The following SYT16 variants were observed in gnomAD, a reference collection of about 807,000 sequenced individuals.
SYT16 encodes synaptotagmin 16.
SYT16 carries 42 observed loss-of-function variants against 61.4 expected under a neutral mutation model. That is an observed-to-expected ratio of 0.68 (90% CI 0.53 to 0.89). SYT16 has a LOEUF of 0.89. Among genes scored for constraint, SYT16 ranks in the 40% least tolerant of loss-of-function variants. The pLI is 0.00. For synonymous variants in SYT16, 314 were observed against 302.3 expected (o/e 1.04, Z -0.40); for missense variants, 804 against 807.3 (o/e 1.00, Z 0.05).
In SYT16 at chr14:62,084,209, C is replaced by T. The variant is rs758851790; in HGVS notation, c.1448C>T (p.Pro483Leu). 19 of 1,613,604 alleles carry T rather than the reference C, an allele frequency of 1.2e-5. No individual in the cohort carries two copies. The highest frequency in any genetic ancestry group is 2.7e-5 in the African/African-American group (2 of 74,908). Reference protein sequence around the residue: ...PRSNISSGGSPLSPSAVSHSD... With the variant: ...PRSNISSGGSLLSPSAVSHSD... ...CTTCCCCTCCAGAGTGGAGGGTCTC[C>T]GCTCAGCCCATCTGCGGTTTCTCAC... is the stretch of plus-strand genomic sequence containing the variant. Residue 483 changes from proline (P) to leucine (L), a missense_variant, in exon 7 of 8, where the codon CCG (proline) becomes CTG (leucine). Pro to Leu is a moderately conservative substitution (Grantham distance 98). Coordinates refer to ENST00000683842, the MANE Select transcript of SYT16 (RefSeq NM_001367656.1).
intron 1 of SYT16, among the ~76,000 whole-genome samples, chr14:61,943,195 C>A (rs1240795145): frequency 6.6e-6 from 1 of 152,142 alleles, no homozygotes; most frequent in Non-Finnish European, 1.5e-5. Flanking sequence ...GAAGTCGAAT[C>A]CCTGAATAGA....
chr14:61,941,189 C>T (rs1275400842), intron 1 of SYT16, among the ~76,000 whole-genome samples: 1 of 152,178 alleles, frequency 6.6e-6, no homozygotes, highest in Non-Finnish European at 1.5e-5. Context: ...ACGCCAGCCT[C>T]TTTCCCTGTG....
chr14:62,080,318 C>T lies in SYT16; in HGVS notation c.994-516C>T, dbSNP rs2056662211. 7.2e-5 allele frequency among the ~76,000 whole-genome samples: 11 copies of T among 152,334 alleles called. 1 individual carries two copies. In the South Asian group the frequency reaches 2.3e-3, roughly 32 times the overall value. ...GGTCTACATTAAAGTTTGAGAAGCT[C>T]AGCCCTAAACCTTTTCTCCCACTTA... is the stretch of plus-strand genomic sequence containing the variant. On this transcript the variant is annotated intron_variant, in intron 5 of 7. Coordinates refer to ENST00000683842, the MANE Select transcript of SYT16 (RefSeq NM_001367656.1).
intron 7 of SYT16, among the ~76,000 whole-genome samples, chr14:62,088,341 C>T (rs2056956606): frequency 6.6e-6 from 1 of 152,122 alleles, no homozygotes; most frequent in African/African-American, 2.4e-5. Context: ...TTACCTACTG[C>T]TTGATTCCAT....
chr14:62,002,676 A>G (rs1197523275), intron 3 of SYT16, among the ~76,000 whole-genome samples: 2 of 151,982 alleles, frequency 1.3e-5, no homozygotes, highest in African/African-American at 4.8e-5. Context: ...CCCCTTCCCC[A>G]GGGATAGAAG....
chr14:61,874,271 T>A (rs1317560355), intron 1 of SYT16, among the ~76,000 whole-genome samples: 1 of 152,190 alleles, frequency 6.6e-6, no homozygotes, highest in African/African-American at 2.4e-5. Flanking sequence ...AGTTGACCCT[T>A]GAACAATGTG....
At chr14:62,017,339 C>G (rs1481591260) in intron 3 of SYT16, among the ~76,000 whole-genome samples, 1 of 152,174 alleles carries the variant, frequency 6.6e-6, no homozygotes, top group Non-Finnish European at 1.5e-5. Context: ...ATTGGTCTCT[C>G]TTCCTGATAT....
chr14:61,980,925 G>T (rs2052043239), intron 2 of SYT16, among the ~76,000 whole-genome samples: 1 of 150,688 alleles, frequency 6.6e-6, no homozygotes, highest in African/African-American at 2.5e-5. Context: ...AGTTTTTCCA[G>T]AGAAACAGTA....
intron 5 of SYT16, among the ~76,000 whole-genome samples, chr14:62,077,229 A>G (rs1233715733): frequency 6.6e-6 from 1 of 152,248 alleles, no homozygotes. Context: ...AAGGCTTTCA[A>G]TTTGACAGAA....
chr14:61,912,572 A>G (rs191652833), intron 1 of SYT16, among the ~76,000 whole-genome samples: 1 of 152,200 alleles, frequency 6.6e-6, no homozygotes, highest in East Asian at 1.9e-4. Context: ...TTTATTTCCC[A>G]GTGGCCCTAA....
chr14:61,890,151 T>C (rs903191911), intron 1 of SYT16, among the ~76,000 whole-genome samples: 1 of 152,166 alleles, frequency 6.6e-6, no homozygotes. Context: ...TTTCAGATGT[T>C]CAAGACTGTG....
intron 1 of SYT16, among the ~76,000 whole-genome samples, chr14:61,899,593 T>C (rs779721080): frequency 2.4e-4 from 37 of 152,216 alleles, no homozygotes; most frequent in South Asian, 1.9e-3. Context: ...AAATGTAGCA[T>C]CATGAGCTTT....
chr14:61,984,265 A>ATT (rs1378006192), intron 2 of SYT16, among the ~76,000 whole-genome samples: 1 of 151,858 alleles, frequency 6.6e-6, no homozygotes, highest in Non-Finnish European at 1.5e-5. Flanking sequence ...TATTTTTCCT[A>ATT]TTGTTTGTTT....
chr14:61,887,212 A>AAAGGAATCTTTTTCTGAGC (rs2047942791), intron 1 of SYT16, among the ~76,000 whole-genome samples: 1 of 152,198 alleles, frequency 6.6e-6, no homozygotes, highest in African/African-American at 2.4e-5. Context: ...TAATATTTTG[A>AAAGGAATCTTTTTCTGAGC]AAGGAATCTT....
At chr14:61,853,711 A>C (rs1368608684) in intron 1 of SYT16, among the ~76,000 whole-genome samples, 1 of 152,216 alleles carries the variant, frequency 6.6e-6, no homozygotes, top group African/African-American at 2.4e-5. Flanking sequence ...TTGTTACAGC[A>C]GTCTGAATGG....
At chr14:61,989,927 G>A (rs564192540) in intron 2 of SYT16, among the ~76,000 whole-genome samples, 8 of 152,198 alleles carry the variant, frequency 5.3e-5, no homozygotes, top group Non-Finnish European at 1.2e-4. Context: ...TGCCCCGGCA[G>A]TGACAATATG....
At chr14:62,088,207 G>A (rs756270685) in intron 7 of SYT16, among the ~76,000 whole-genome samples, 1 of 152,156 alleles carries the variant, frequency 6.6e-6, no homozygotes, top group Non-Finnish European at 1.5e-5. Context: ...CAGTCCTCAC[G>A]CCCATCTAGA....
At chr14:62,078,149 C>CTATATATATA (rs1335844073) in intron 5 of SYT16, among the ~76,000 whole-genome samples, 12 of 113,082 alleles carry the variant, frequency 1.1e-4, no homozygotes, top group African/African-American at 3.7e-4. Flanking sequence ...CTCTCTCTCT[C>CTATATATATA]TCTCTCTATA....
rs191133174 is a variant in SYT16 at position 61,833,910 on chromosome 14, G to A, written c.-325+21100G>A. Among the ~76,000 whole-genome samples, 312 of 149,756 alleles carry A rather than the reference G, an allele frequency of 2.1e-3. 1 individual carries two copies. Among genetic ancestry groups the A allele is most frequent in the African/African-American group, 7.4e-3 (300 of 40,724 alleles). On this transcript the variant is annotated intron_variant, in intron 1 of 7. Coordinates refer to ENST00000683842, the MANE Select transcript of SYT16 (RefSeq NM_001367656.1). ...CAATCCTGTTCTTTTTCCCTGTGGA[G>A]TCCCATAGCCTCTAAGTCTGAAACT...
Sources: allele counts gnomAD v4.1 joint callset (sites outside exome capture counted in the v4.1 genomes callset), GRCh38; gene constraint gnomAD v4.1.1; transcripts MANE v1.5; gene names NCBI Gene and HGNC (gene_info 2026-07-23, HGNC 2026-07-21).